CADM1: variants seen among roughly 807,000 people sequenced by gnomAD.
CADM1 encodes the protein TSLC-1.
Under a neutral mutation model 53.1 loss-of-function variants are expected in CADM1, and 15 were observed. The observed-to-expected ratio is 0.28, with a 90% CI of 0.19 to 0.44. CADM1 has a LOEUF of 0.44. Ranked by LOEUF, CADM1 falls within the 20% of genes least tolerant of loss-of-function variation. The probability of loss-of-function intolerance (pLI) is 1.00; values close to 1 mark genes in which losing one functional copy is unlikely to be tolerated. For missense variants in CADM1, 434 were observed against 611.3 expected, an observed-to-expected ratio of 0.71 and a Z score of 3.06; for synonymous variants, 281 against 243.0, an observed-to-expected ratio of 1.16 and a Z score of -1.45.
At chr11:115,270,764 T>C (rs958865668) in intron 1 of CADM1, among the ~76,000 whole-genome samples, 2 of 152,240 alleles carry the variant, frequency 1.3e-5, no homozygotes, top group Non-Finnish European at 2.9e-5. Flanking sequence ...CTAAGGTTAT[T>C]AAGCTCGTTT....
rs548220463 is a variant in CADM1 at position 115,489,871 on chromosome 11, T to C, written c.124+14400A>G. On this transcript the variant is annotated intron_variant, in intron 1 of 11. Coordinates refer to ENST00000331581, the MANE Select transcript of CADM1 (RefSeq NM_001301043.2). ...TTGAGAGAGATGTAGGAACTAGCCA[T>C]ATACATTAAGGTGCTTAAGGTAGAG... Among the ~76,000 whole-genome samples, 128 of 152,288 alleles carry C rather than the reference T, an allele frequency of 8.4e-4. 1 individual carries two copies. Among genetic ancestry groups the C allele is most frequent in the Middle Eastern group, 6.8e-3 (2 of 294 alleles).
At chr11:115,430,690 G>C (rs1301157536) in intron 1 of CADM1, among the ~76,000 whole-genome samples, 3 of 152,130 alleles carry the variant, frequency 2.0e-5, no homozygotes. Flanking sequence ...TTTTTCAATG[G>C]AAAGCAGAGA....
In CADM1 at chr11:115,171,544, G is replaced by C. The variant is rs1021320866; in HGVS notation, c.*4930C>G. The C allele has an allele frequency of 6.6e-6, 1 of 152,162 alleles. No homozygotes were observed. Among genetic ancestry groups the C allele is most frequent in the Non-Finnish European group, 1.5e-5 (1 of 68,030 alleles). The allele number at this position is 152,162 out of a possible 1,614,324, so 9.4% of individuals were successfully genotyped here. A position where few individuals can be genotyped will look rare whatever the true frequency, so the allele number is the denominator to read the frequency against. On this transcript the variant is annotated 3_prime_UTR_variant, in exon 12 of 12. Coordinates refer to ENST00000331581, the MANE Select transcript of CADM1 (RefSeq NM_001301043.2). ...GGAAACGAGGGCCATTTTCACTCTC[G>C]TACGCACTCTTCTCAAATGAAGGAG...
At chr11:115,320,840 T>A (rs1026651437) in intron 1 of CADM1, among the ~76,000 whole-genome samples, 8 of 151,988 alleles carry the variant, frequency 5.3e-5, no homozygotes, top group African/African-American at 1.9e-4. Context: ...AAAATGTGGG[T>A]TTTTCCAAAG....
At chr11:115,224,926 C>T (rs1300283197) in intron 5 of CADM1, among the ~76,000 whole-genome samples, 1 of 152,154 alleles carries the variant, frequency 6.6e-6, no homozygotes, top group Non-Finnish European at 1.5e-5. Context: ...ACCACCTGTA[C>T]AGACATTCGC....
chr11:115,428,731 AC>A (rs1385912548), intron 1 of CADM1, among the ~76,000 whole-genome samples: 1 of 151,936 alleles, frequency 6.6e-6, no homozygotes, highest in East Asian at 1.9e-4. Flanking sequence ...TAAAGGTTTC[AC>A]TCAATAAAGC....
Position 115,238,612 on chromosome 11 carries a change from G to C in CADM1, c.312C>G (p.Ser104Arg), listed in dbSNP as rs1942095121. 2 of 1,613,866 alleles carry C rather than the reference G, an allele frequency of 1.2e-6. No homozygotes were observed. The highest frequency in any genetic ancestry group is 1.7e-6 in the Non-Finnish European group (2 of 1,179,826). ...DSRFQLLNFS[S>R]SELKVSLTNV... is the part of the protein sequence containing the mutation. ...TTGTCAATGATACTTTGAGTTCACT[G>C]CTAGAAAAATTCAGCAACTGAAACC... is the stretch of plus-strand genomic sequence containing the variant. Residue 104 changes from serine to arginine, a missense_variant, in exon 3 of 12, where the codon AGC becomes AGG. Coordinates refer to ENST00000331581, the MANE Select transcript of CADM1 (RefSeq NM_001301043.2).
At chr11:115,463,205 A>T (rs1481847614) in intron 1 of CADM1, among the ~76,000 whole-genome samples, 1 of 152,178 alleles carries the variant, frequency 6.6e-6, no homozygotes, top group Non-Finnish European at 1.5e-5. Flanking sequence ...CCACTCTGGA[A>T]GCCCTCTGCT....
intron 1 of CADM1, among the ~76,000 whole-genome samples, chr11:115,484,908 C>G (rs903029497): frequency 2.9e-4 from 44 of 150,868 alleles, no homozygotes; most frequent in African/African-American, 1.0e-3. Context: ...GATTATGCCA[C>G]TGCACTCCAG....
intron 1 of CADM1, chr11:115,256,851 C>T (rs779758608): frequency 2.2e-6 from 1 of 456,062 alleles, no homozygotes; most frequent in African/African-American, 2.0e-5. Context: ...GTCCAGATGC[C>T]TTCATTGCAA....
chr11:115,392,528 G>T (rs974588694), intron 1 of CADM1, among the ~76,000 whole-genome samples: 4 of 152,124 alleles, frequency 2.6e-5, no homozygotes, highest in Non-Finnish European at 5.9e-5. Context: ...ATGGGTTAAA[G>T]AACCTAAAAC....
Position 115,194,674 on chromosome 11 carries a change from A to G in CADM1, c.1111+3732T>C, listed in dbSNP as rs148788803. Among the ~76,000 whole-genome samples the G allele has an allele frequency of 2.2e-3, 333 of 152,286 alleles. 2 individuals are homozygous for G. The highest frequency in any genetic ancestry group is 6.4e-3 in the African/African-American group (265 of 41,568). ...TGGAGAGGGGAGAGAAGGGGCACAG[A>G]GAGAAAGAGAGAGAGACGGAGACAG... On this transcript the variant is annotated intron_variant, in intron 9 of 11. Transcript: ENST00000331581.
chr11:115,458,084 G>A (rs1197433965), intron 1 of CADM1, among the ~76,000 whole-genome samples: 1 of 150,858 alleles, frequency 6.6e-6, no homozygotes, highest in African/African-American at 2.4e-5. Flanking sequence ...CTCAGCTGTG[G>A]AAGCAATAAG....
At chr11:115,322,399 A>G (rs908718392) in intron 1 of CADM1, among the ~76,000 whole-genome samples, 4 of 152,174 alleles carry the variant, frequency 2.6e-5, no homozygotes, top group African/African-American at 7.2e-5. Flanking sequence ...TATATATAAC[A>G]CTTTTATGGA....
intron 1 of CADM1, among the ~76,000 whole-genome samples, chr11:115,430,409 C>A (rs1186818398): frequency 6.6e-6 from 1 of 152,166 alleles, no homozygotes; most frequent in Non-Finnish European, 1.5e-5. Context: ...AAAATAAATT[C>A]CATCAACATT....
chr11:115,222,450 T>A (rs10891811), intron 5 of CADM1, among the ~76,000 whole-genome samples: 8,620 of 152,142 alleles, frequency 0.057, 352 homozygotes, highest in Admixed American at 0.14. Context: ...ATGAACGGAG[T>A]CACACAGAGC....
chr11:115,206,889 T>C (rs1940726383), intron 8 of CADM1, among the ~76,000 whole-genome samples: 1 of 146,998 alleles, frequency 6.8e-6, no homozygotes, highest in Non-Finnish European at 1.5e-5. Context: ...AGAAGAGGAG[T>C]GGAAATTAAT....
intron 1 of CADM1, among the ~76,000 whole-genome samples, chr11:115,375,413 C>A (rs899395913): frequency 6.6e-6 from 1 of 152,142 alleles, no homozygotes; most frequent in Admixed American, 6.5e-5. Context: ...AAGTTCTTGA[C>A]CTCGGTAATG....
chr11:115,462,074 C>A (rs1948807808), intron 1 of CADM1, among the ~76,000 whole-genome samples: 1 of 151,992 alleles, frequency 6.6e-6, no homozygotes, highest in African/African-American at 2.4e-5. Context: ...TAATGCTATC[C>A]AAAGAGGTAC....
Sources: allele counts gnomAD v4.1 joint callset (sites outside exome capture counted in the v4.1 genomes callset), GRCh38; gene constraint gnomAD v4.1.1; transcripts MANE v1.5; gene names NCBI Gene and HGNC (gene_info 2026-07-23, HGNC 2026-07-21).